Variants in PAK1 observed in about 807,000 individuals in gnomAD.
The protein encoded by PAK1 is p21 (RAC1) activated kinase 1.
A neutral mutation model predicts 67.4 loss-of-function variants in PAK1; 29 were observed. The ratio of observed to expected loss-of-function variants is 0.43; its 90% CI spans 0.32 to 0.59. The LOEUF (loss-of-function observed/expected upper bound fraction) is 0.59, where lower values mean the gene tolerates loss of function less well. Among genes scored for constraint, PAK1 ranks in the 20% least tolerant of loss-of-function variants. The pLI, the probability that PAK1 is intolerant of heterozygous loss-of-function variation, is 0.07. For synonymous variants in PAK1, 223 were observed against 237.4 expected, an observed-to-expected ratio of 0.94 and a Z score of 0.56; for missense variants, 337 against 670.7, an observed-to-expected ratio of 0.50 and a Z score of 5.50.
chr11:77,409,366 G>C (rs1008652986), intron 1 of PAK1, among the ~76,000 whole-genome samples: 1 of 152,168 alleles, frequency 6.6e-6, no homozygotes. Context: ...ATGTAAATTA[G>C]TAGAGCCACT....
intron 1 of PAK1, among the ~76,000 whole-genome samples, chr11:77,440,176 T>C (rs10899377): frequency 0.069 from 10,445 of 152,220 alleles, 812 homozygotes; most frequent in East Asian, 0.25. Flanking sequence ...CTGATTTTGT[T>C]ACTCTGCTAT....
chr11:77,454,515 C>A (rs1490425339), intron 1 of PAK1, among the ~76,000 whole-genome samples: 1 of 151,976 alleles, frequency 6.6e-6, no homozygotes, highest in East Asian at 1.9e-4. Context: ...CTAACAGAGC[C>A]CAGACTTTTT....
intron 14 of PAK1, among the ~76,000 whole-genome samples, chr11:77,330,366 A>T (rs1178535140): frequency 2.6e-5 from 4 of 152,138 alleles, no homozygotes; most frequent in African/African-American, 9.7e-5. Context: ...GAGGCATCAC[A>T]CTACCTGACT....
intron 1 of PAK1, among the ~76,000 whole-genome samples, chr11:77,472,323 T>C (rs947557427): frequency 5.9e-5 from 9 of 152,200 alleles, no homozygotes; most frequent in African/African-American, 2.2e-4. Context: ...GGGGAGTTTT[T>C]ATATGCACCT....
chr11:77,365,103 T>A (rs1947317467), intron 5 of PAK1, among the ~76,000 whole-genome samples: 1 of 151,496 alleles, frequency 6.6e-6, no homozygotes, highest in African/African-American at 2.4e-5. Context: ...AAAAATAAAA[T>A]TAGCTGGGTG....
chr11:77,379,967 G>A lies in PAK1; in HGVS notation c.218C>T (p.Pro73Leu). 6.2e-7 allele frequency: 1 copy of A among 1,613,710 alleles called. No homozygotes were observed. The highest frequency in any genetic ancestry group is 8.5e-7 in the Non-Finnish European group (1 of 1,179,764). ...AAAATCTGAAGGGAGAGAAATCTCT[G>A]GCCGCTCTTTCTCTTTCTTTTTATT... The part of the protein sequence containing the change: ...KTNKKKEKER[P>L]EISLPSDFEH... The change falls in exon 3 of 15, where the codon CCA (proline) becomes CTA (leucine). Residue 73 changes from proline (P) to leucine (L), a missense_variant. Coordinates refer to ENST00000356341, the MANE Select transcript of PAK1 (RefSeq NM_002576.5).
At chr11:77,460,130 A>G (rs1957268208) in intron 1 of PAK1, among the ~76,000 whole-genome samples, 1 of 149,892 alleles carries the variant, frequency 6.7e-6, no homozygotes, top group African/African-American at 2.5e-5. Context: ...CCCTGAGGAG[A>G]GACAGACTTT....
intron 4 of PAK1, among the ~76,000 whole-genome samples, chr11:77,377,583 C>A (rs1010211738): frequency 2.0e-5 from 3 of 152,120 alleles, no homozygotes; most frequent in Non-Finnish European, 4.4e-5. Flanking sequence ...TACATATGTT[C>A]GTTCATGAAT....
intron 1 of PAK1, among the ~76,000 whole-genome samples, chr11:77,445,968 A>G (rs1466896816): frequency 6.6e-6 from 1 of 152,114 alleles, no homozygotes; most frequent in Non-Finnish European, 1.5e-5. Context: ...ATTCATCTTT[A>G]TATCTCCAGT....
At chr11:77,395,514 C>A (rs1274866846) in intron 1 of PAK1, among the ~76,000 whole-genome samples, 1 of 152,160 alleles carries the variant, frequency 6.6e-6, no homozygotes, top group Non-Finnish European at 1.5e-5. Flanking sequence ...AGCCACTACA[C>A]CTAGACACAG....
intron 13 of PAK1, 54 bp downstream of exon 13, chr11:77,336,032 C>A: frequency 8.6e-7 from 1 of 1,158,782 alleles, no homozygotes; most frequent in East Asian, 2.4e-5. Context: ...TTCTTATTTC[C>A]TGGGACTAGA....
chr11:77,438,519 G>A (rs1260516637), intron 1 of PAK1, among the ~76,000 whole-genome samples: 6 of 152,154 alleles, frequency 3.9e-5, no homozygotes, highest in South Asian at 4.1e-4. Flanking sequence ...TTACCTTCTC[G>A]TGTTAGGCTG....
At chr11:77,409,356 AT>A (rs975485369) in intron 1 of PAK1, among the ~76,000 whole-genome samples, 1 of 152,158 alleles carries the variant, frequency 6.6e-6, no homozygotes, top group African/African-American at 2.4e-5. Flanking sequence ...GTTGGTGAAA[AT>A]GTAAATTAGT....
At chr11:77,508,457 T>C in the PAK1 span, among the ~76,000 whole-genome samples, 4 of 152,112 alleles carry the variant, frequency 2.6e-5, no homozygotes, top group Non-Finnish European at 4.4e-5. Flanking sequence ...TTGAGGTGTT[T>C]GTCAATTTTC....
chr11:77,332,987 T>C, intron 13 of PAK1, 120 bp from the exon 14 acceptor site: 1 of 864,234 alleles, frequency 1.2e-6, no homozygotes, highest in African/African-American at 1.7e-5. Context: ...GTAGCAGCTG[T>C]GTATATATAC....
At chr11:77,341,740 G>T (rs1384930582) in intron 10 of PAK1, among the ~76,000 whole-genome samples, 2 of 152,188 alleles carry the variant, frequency 1.3e-5, no homozygotes, top group African/African-American at 2.4e-5. Flanking sequence ...GAACTGTGTG[G>T]TATCATCTTA....
chr11:77,507,484 C>G, the PAK1 span, among the ~76,000 whole-genome samples: 4 of 152,140 alleles, frequency 2.6e-5, no homozygotes, highest in Non-Finnish European at 5.9e-5. Context: ...TAAAACATGC[C>G]TTCTCAGATT....
intron 1 of PAK1, among the ~76,000 whole-genome samples, chr11:77,424,870 T>A (rs1380806707): frequency 1.3e-5 from 2 of 152,244 alleles, no homozygotes; most frequent in East Asian, 3.8e-4. Context: ...CCAGACTATA[T>A]GTCCCCTTGT....
intron 5 of PAK1, among the ~76,000 whole-genome samples, chr11:77,359,477 C>G (rs191660066): frequency 2.0e-5 from 3 of 152,246 alleles, no homozygotes; most frequent in Admixed American, 1.3e-4. Flanking sequence ...GCAGTCTAAA[C>G]AGGCTTTTGC....
Sources: gnomAD v4.1 joint callset for allele counts (sites outside exome capture counted in the v4.1 genomes callset) on GRCh38, gnomAD v4.1.1 for gene constraint, MANE v1.5 for transcripts, NCBI Gene and HGNC (gene_info 2026-07-23, HGNC 2026-07-21) for gene names.